The following ZMIZ1 variants were observed in gnomAD, a reference collection of about 807,000 sequenced individuals.
The protein encoded by ZMIZ1 is zinc finger MIZ-type containing 1, also known as zinc finger MIZ domain-containing protein 1.
ZMIZ1 carries 17 observed loss-of-function variants against 113.9 expected under a neutral mutation model. The ratio of observed to expected loss-of-function variants is 0.15; its 90% CI spans 0.10 to 0.22. ZMIZ1 has a LOEUF of 0.22. Ranked by LOEUF, ZMIZ1 falls within the 10% of genes least tolerant of loss-of-function variation. The probability of loss-of-function intolerance (pLI) is 1.00; values close to 1 mark genes in which losing one functional copy is unlikely to be tolerated. For missense variants in ZMIZ1, 1,059 were observed against 1,477.8 expected, an observed-to-expected ratio of 0.72 and a Z score of 4.65; for synonymous variants, 607 against 603.1, an observed-to-expected ratio of 1.01 and a Z score of -0.09.
At chr10:79,194,898 C>G (rs1005480473) in intron 4 of ZMIZ1, among the ~76,000 whole-genome samples, 1 of 152,222 alleles carries the variant, frequency 6.6e-6, no homozygotes, top group Non-Finnish European at 1.5e-5. Context: ...AGCTTGGTCC[C>G]GAAAGACGTC....
At chr10:79,212,721 A>C (rs1326165881) in intron 6 of ZMIZ1, among the ~76,000 whole-genome samples, 1 of 151,402 alleles carries the variant, frequency 6.6e-6, no homozygotes. Context: ...GTGCCATTGC[A>C]CTGCAGCCTG....
At chr10:79,311,293 GTGGGC>G in intron 24 of ZMIZ1, 109 bp downstream of exon 24, 1 of 1,315,346 alleles carries the variant, frequency 7.6e-7, no homozygotes, top group Non-Finnish European at 1.0e-6. Flanking sequence ...GAGGAGGTGG[GTGGGC>G]GGTGGGAGGG....
chr10:79,268,252 G>A (rs1851723276), intron 7 of ZMIZ1, among the ~76,000 whole-genome samples: 2 of 152,234 alleles, frequency 1.3e-5, no homozygotes, highest in South Asian at 4.1e-4. Context: ...CTTGCCTCCT[G>A]TTCCCCGTGA....
chr10:79,170,680 A>T (rs1014112176), intron 4 of ZMIZ1, among the ~76,000 whole-genome samples: 2 of 152,188 alleles, frequency 1.3e-5, no homozygotes, highest in African/African-American at 4.8e-5. Flanking sequence ...CTTAATAGTT[A>T]ATACACATGA....
intron 4 of ZMIZ1, among the ~76,000 whole-genome samples, chr10:79,175,219 A>C (rs879653114): frequency 4.3e-4 from 66 of 152,298 alleles, no homozygotes; most frequent in Non-Finnish European, 7.4e-4. Flanking sequence ...AGAAACCCCG[A>C]GCAGTCTGCC....
chr10:79,089,115 G>A (rs967625556), intron 1 of ZMIZ1, among the ~76,000 whole-genome samples: 4 of 152,254 alleles, frequency 2.6e-5, no homozygotes, highest in Admixed American at 2.0e-4. Flanking sequence ...CGACAGGACA[G>A]CGCTGAGCAG....
chr10:79,102,243 G>A lies in ZMIZ1; in HGVS notation c.-336-16672G>A, dbSNP rs549592928. Among the ~76,000 whole-genome samples the A allele has an allele frequency of 8.5e-5, 13 of 152,356 alleles. No individual in the cohort carries two copies. The East Asian group carries it at 2.5e-3, about 29-fold the overall frequency. On this transcript the variant is annotated intron_variant, in intron 1 of 24. Coordinates refer to ENST00000334512, the MANE Select transcript of ZMIZ1 (RefSeq NM_020338.4). Reference sequence around the variant, plus strand: ...GAGCAGAAGGCGTGCAGTGGGGAACGCAGCCTGTAGCCCCTCTCACAGGGA... The same window carrying A: ...GAGCAGAAGGCGTGCAGTGGGGAACACAGCCTGTAGCCCCTCTCACAGGGA...
chr10:79,112,651 G>A (rs1187418777), intron 1 of ZMIZ1, among the ~76,000 whole-genome samples: 1 of 152,096 alleles, frequency 6.6e-6, no homozygotes, highest in Non-Finnish European at 1.5e-5. Context: ...AGAACTCAGG[G>A]CCCAGTCTCC....
intron 7 of ZMIZ1, among the ~76,000 whole-genome samples, chr10:79,233,752 C>G (rs1317748038): frequency 6.8e-6 from 1 of 147,074 alleles, no homozygotes; most frequent in African/African-American, 2.5e-5. Context: ...GCTCCTCATC[C>G]TCTGGAAAAG....
intron 7 of ZMIZ1, among the ~76,000 whole-genome samples, chr10:79,266,363 T>G (rs1851604292): frequency 6.6e-6 from 1 of 152,198 alleles, no homozygotes; most frequent in African/African-American, 2.4e-5. Context: ...GTGGAGTGAC[T>G]GTTTGAATCA....
chr10:79,237,910 C>T (rs1047474578), intron 7 of ZMIZ1, among the ~76,000 whole-genome samples: 7 of 152,350 alleles, frequency 4.6e-5, no homozygotes, highest in Non-Finnish European at 7.3e-5. Context: ...GGGCCACCAG[C>T]TAGTCAGAAC....
At chr10:79,083,016 A>G (rs936253313) in intron 1 of ZMIZ1, among the ~76,000 whole-genome samples, 3 of 152,150 alleles carry the variant, frequency 2.0e-5, no homozygotes, top group East Asian at 1.9e-4. Context: ...AGCACCTTCC[A>G]TGTGCCAGGC....
chr10:79,299,879 T>A (rs1467754478), intron 16 of ZMIZ1, among the ~76,000 whole-genome samples: 1 of 152,188 alleles, frequency 6.6e-6, no homozygotes, highest in Non-Finnish European at 1.5e-5. Flanking sequence ...GAACCAACCC[T>A]GGGGGTGTCC....
intron 7 of ZMIZ1, among the ~76,000 whole-genome samples, chr10:79,225,243 G>A (rs1471473350): frequency 2.6e-5 from 4 of 152,138 alleles, no homozygotes; most frequent in Non-Finnish European, 4.4e-5. Flanking sequence ...TTTCAGTACC[G>A]CTTGTATTAA....
chr10:79,307,720 C>A, intron 23 of ZMIZ1, 149 bp downstream of exon 23: 1 of 900,214 alleles, frequency 1.1e-6, no homozygotes, highest in Non-Finnish European at 1.6e-6. Flanking sequence ...CTAACTGAGG[C>A]TACGTCGTGC....
intron 7 of ZMIZ1, among the ~76,000 whole-genome samples, chr10:79,268,804 C>T (rs1851759336): frequency 6.6e-6 from 1 of 152,158 alleles, no homozygotes; most frequent in Non-Finnish European, 1.5e-5. Flanking sequence ...TGGAAGAAGT[C>T]CTCTGACCGC....
chr10:79,079,337 T>G (rs1842582758), intron 1 of ZMIZ1, among the ~76,000 whole-genome samples: 1 of 152,232 alleles, frequency 6.6e-6, no homozygotes, highest in Non-Finnish European at 1.5e-5. Flanking sequence ...TGCACTTTCC[T>G]GGAGAGGTGG....
In ZMIZ1 at chr10:79,148,310, C is replaced by T. The variant is rs193114843; in HGVS notation, c.-131+8533C>T. 9.5e-4 allele frequency among the ~76,000 whole-genome samples: 144 copies of T among 152,318 alleles called. 5 individuals are homozygous for T. In the East Asian group the frequency reaches 0.024, roughly 26 times the overall value. ...GGCCTAGGAGAGAGCTGGCTCTTGG[C>T]TAGGAGGCAGGGCATGGCTGACCCC... On this transcript the variant is annotated intron_variant, in intron 3 of 24. Transcript: ENST00000334512.
chr10:79,132,725 A>G (rs1200104147), intron 2 of ZMIZ1, among the ~76,000 whole-genome samples: 1 of 152,204 alleles, frequency 6.6e-6, no homozygotes, highest in Non-Finnish European at 1.5e-5. Context: ...ATGAGGCCCC[A>G]CAGCCAGTGT....
Sources: allele counts gnomAD v4.1 joint callset (sites outside exome capture counted in the v4.1 genomes callset), GRCh38; gene constraint gnomAD v4.1.1; transcripts MANE v1.5; gene names NCBI Gene and HGNC (gene_info 2026-07-23, HGNC 2026-07-21).